Variants in PUS7L observed in about 807,000 individuals in gnomAD.
The protein encoded by PUS7L is pseudouridylate synthase PUS7L.
Under a neutral mutation model 51.1 loss-of-function variants are expected in PUS7L, and 49 were observed. The observed-to-expected ratio is 0.96, with a 90% CI of 0.76 to 1.22. The LOEUF (loss-of-function observed/expected upper bound fraction) is 1.22, where lower values mean the gene tolerates loss of function less well. Ranked by LOEUF, PUS7L falls within the 50% of genes most tolerant of loss-of-function variation. The pLI, the probability that PUS7L is intolerant of heterozygous loss-of-function variation, is 0.00. For synonymous variants in PUS7L, 277 were observed against 276.2 expected (o/e 1.00, Z -0.03); for missense variants, 828 against 820.6 (o/e 1.01, Z -0.11).
intron 1 of PUS7L, 191 bp downstream of exon 1, chr12:43,758,539 C>T: frequency 1.0e-6 from 1 of 985,854 alleles, no homozygotes; most frequent in Non-Finnish European, 1.2e-6. Flanking sequence ...ACAAGGCCAG[C>T]AGCTCTACCT....
rs1216172111 is a variant in PUS7L at position 43,728,561 on chromosome 12, A to G, written c.*1815T>C. On this transcript the variant is annotated 3_prime_UTR_variant, in exon 9 of 9. Transcript: ENST00000344862. ...ACTTCATTCTCAATATAACATTAAA[A>G]TGATGGCAGTAATCCAAAGAAAATC... The G allele has an allele frequency of 6.6e-6, 1 of 152,166 alleles. No individual in the cohort carries two copies. The highest frequency in any genetic ancestry group is 6.5e-5 in the Admixed American group (1 of 15,272). 9.4% of individuals were successfully genotyped at this position (152,166 alleles called of 1,614,324 possible). A position where few individuals can be genotyped will look rare whatever the true frequency, so the allele number is the denominator to read the frequency against.
chr12:43,736,755 C>T (rs1944703625), intron 6 of PUS7L, 94 bp from the exon 7 acceptor site: 1 of 1,110,224 alleles, frequency 9.0e-7, no homozygotes, highest in Admixed American at 2.1e-5. Flanking sequence ...AGGCAATGAA[C>T]ATGGGTATTA....
rs747434256 is a variant in PUS7L at position 43,731,736 on chromosome 12, T to C, written c.1748A>G (p.Glu583Gly). 6.3e-7 allele frequency: 1 copy of C among 1,579,182 alleles called. No homozygotes were observed. ...NSKIHLVTEE[E>G]GSANMYAIHQ... ...TATTGCATACATATTAGCTGATCCC[T>C]CCTCTTCAGTTACCAGGTGAATCTA... Residue 583 changes from glutamate to glycine, a missense_variant, in exon 8 of 9, where the codon GAG becomes GGG. Transcript: ENST00000344862.
At chr12:43,756,318 T>G (rs567388900) in intron 1 of PUS7L, among the ~76,000 whole-genome samples, 15 of 152,316 alleles carry the variant, frequency 9.8e-5, no homozygotes, top group East Asian at 1.9e-4. Flanking sequence ...TCAGGCTGCT[T>G]CTTCTTCAGT....
intron 4 of PUS7L, among the ~76,000 whole-genome samples, chr12:43,745,513 A>G (rs1037532450): frequency 6.6e-6 from 1 of 152,200 alleles, no homozygotes; most frequent in African/African-American, 2.4e-5. Flanking sequence ...CACCATGGGA[A>G]GAAGGATATG....
rs1221072792 is a variant in PUS7L at position 43,746,085 on chromosome 12, G to A, written c.1224C>T (p.Asn408=). 6.5e-7 allele frequency: 1 copy of A among 1,531,414 alleles called. No individual in the cohort carries two copies. Among genetic ancestry groups the A allele is most frequent in the African/African-American group, 1.4e-5 (1 of 72,488 alleles). 94.9% of individuals were successfully genotyped at this position (1,531,414 alleles called of 1,614,324 possible). The stretch of plus-strand genomic sequence containing the variant: ...TTGCTTCCATAATTCTCTCCCTCAG[G>A]TTTGCAGAATCATTTATTTGTTTTT... The part of the protein sequence containing the change: ...NLKKQINDSA[N]LRERIMEAIE... Residue 408 remains asparagine (N), a synonymous_variant, in exon 4 of 9, where the codon AAC becomes AAT. Coordinates refer to ENST00000344862, the MANE Select transcript of PUS7L (RefSeq NM_031292.5).
At chr12:43,747,470 G>T (rs1248025806) in intron 3 of PUS7L, among the ~76,000 whole-genome samples, 1 of 152,052 alleles carries the variant, frequency 6.6e-6, no homozygotes, top group Non-Finnish European at 1.5e-5. Context: ...GAGGCGGGTG[G>T]ATCATCTGAA....
intron 6 of PUS7L, among the ~76,000 whole-genome samples, chr12:43,736,880 C>G (rs915954454): frequency 1.4e-5 from 2 of 145,394 alleles, no homozygotes; most frequent in African/African-American, 5.1e-5. Context: ...AAAAAAAAAG[C>G]CAAGAATCCA....
chr12:43,742,403 G>A, intron 5 of PUS7L, 54 bp downstream of exon 5: 2 of 1,237,782 alleles, frequency 1.6e-6, no homozygotes, highest in Non-Finnish European at 2.3e-6. Context: ...GCTGGGTTAT[G>A]TAGTAAGTAT....
intron 4 of PUS7L, among the ~76,000 whole-genome samples, chr12:43,744,782 T>C (rs1338232433): frequency 6.6e-6 from 1 of 152,244 alleles, no homozygotes; most frequent in Non-Finnish European, 1.5e-5. Flanking sequence ...GGTGAGAAAC[T>C]TGAATCAGTG....
In PUS7L at chr12:43,730,464, G is replaced by A. The variant is rs558792147; in HGVS notation, c.2018C>T (p.Thr673Ile). ...VKTKGSHIDE[T>I]ALSLLISFDL... Reference sequence around the variant, plus strand: ...AAAAGAGATCAAAAGAGACAAAGCTGTTTCATCAATGTGGGAACCTTTCGT... The same window carrying A: ...AAAAGAGATCAAAAGAGACAAAGCTATTTCATCAATGTGGGAACCTTTCGT... The change falls in exon 9 of 9, where the codon ACA becomes ATA. Residue 673 changes from threonine (T) to isoleucine (I), a missense_variant. Thr to Ile is a moderately conservative substitution (Grantham distance 89). Coordinates refer to ENST00000344862, the MANE Select transcript of PUS7L (RefSeq NM_031292.5). The A allele has an allele frequency of 3.8e-5, 62 of 1,613,792 alleles. 1 individual carries two copies. In the South Asian group the frequency reaches 5.1e-4, roughly 13 times the overall value.
chr12:43,730,804 T>C (rs546742429), intron 8 of PUS7L, 102 bp from the exon 9 acceptor site: 6 of 720,926 alleles, frequency 8.3e-6, no homozygotes, highest in East Asian at 8.1e-5. Flanking sequence ...TTTGTAAAAA[T>C]AGTCTCAGAA....
In PUS7L at chr12:43,736,400, T is replaced by C; in HGVS notation, c.1706A>G (p.Glu569Gly). ...ACTTACTTTACTATTTGGGAAATTCTCGTCATCAATGTCTTCATCCAAACA... is the reference window on the plus strand; with the variant it reads ...ACTTACTTTACTATTTGGGAAATTCCCGTCATCAATGTCTTCATCCAAACA... ...LVCLDEDIDD[E>G]NFPNSKIHLV... The change falls in exon 7 of 9, where the codon GAG becomes GGG. Residue 569 changes from glutamate (E) to glycine (G), a missense_variant. Physicochemically the swap from Glu to Gly is moderately conservative, Grantham distance 98. Coordinates refer to ENST00000344862, the MANE Select transcript of PUS7L (RefSeq NM_031292.5). 1 of 1,613,850 alleles carries C rather than the reference T, an allele frequency of 6.2e-7. No homozygotes were observed. Among genetic ancestry groups the C allele is most frequent in the Non-Finnish European group, 8.5e-7 (1 of 1,179,734 alleles).
rs1565621124 is a variant in PUS7L, at chr12:43,719,793, C to T, written c.*10583G>A. 1 of 152,002 alleles carries T rather than the reference C, an allele frequency of 6.6e-6. No individual in the cohort carries two copies. Among genetic ancestry groups the T allele is most frequent in the Non-Finnish European group, 1.5e-5 (1 of 67,972 alleles). The allele number at this position is 152,002 out of a possible 1,614,324, so 9.4% of individuals were successfully genotyped here. ...ATTATCTTTTTAATTTTTACAGCAC[C>T]TATAGTGATTTCCTTTCCAATTATG... On this transcript the variant is annotated 3_prime_UTR_variant, in exon 9 of 9. Coordinates refer to ENST00000344862, the MANE Select transcript of PUS7L (RefSeq NM_031292.5).
chr12:43,749,468 G>A (rs1052029853), intron 2 of PUS7L, among the ~76,000 whole-genome samples: 1 of 152,138 alleles, frequency 6.6e-6, no homozygotes, highest in Non-Finnish European at 1.5e-5. Context: ...AGGATTTCAA[G>A]AGCAAACAAT....
Position 43,742,440 on chromosome 12 carries a change from T to C in PUS7L, c.1362+17A>G. On this transcript the variant is annotated intron_variant, in intron 5 of 8. Coordinates refer to ENST00000344862, the MANE Select transcript of PUS7L (RefSeq NM_031292.5). ...ATTGACAGAAACAGATAAGATTACA[T>C]TTTTCAAAATCCATACCATTTCATT... 6.4e-7 allele frequency: 1 copy of C among 1,561,154 alleles called. No homozygotes were observed.
At position 43,726,824 on chromosome 12, in the gene PUS7L, T is replaced by C. The variant is rs1445838396; in HGVS notation, c.*3552A>G. ...GCCTGGGTGACAGAAGGAAACTCCA[T>C]CTAAAAAAAAAAAAAAATTGACAAG... On this transcript the variant is annotated 3_prime_UTR_variant, in exon 9 of 9. Coordinates refer to ENST00000344862, the MANE Select transcript of PUS7L (RefSeq NM_031292.5). 2.0e-5 allele frequency: 3 copies of C among 146,872 alleles called. No homozygotes were observed. Among genetic ancestry groups the C allele is most frequent in the African/African-American group, 7.5e-5 (3 of 39,948 alleles). 9.1% of individuals were successfully genotyped at this position (146,872 alleles called of 1,614,324 possible). A position where few individuals can be genotyped will look rare whatever the true frequency, so the allele number is the denominator to read the frequency against.
rs377016203 is a variant in PUS7L, at chr12:43,748,446, T to C, written c.1070+4A>G. ...TATCCTAAAATTTCTTAATATCTTA[T>C]TACCTCTCTGGAGTCACTTTTCTAA... On this transcript the variant is annotated splice_donor_region_variant and intron_variant, in intron 3 of 8. Coordinates refer to ENST00000344862, the MANE Select transcript of PUS7L (RefSeq NM_031292.5). 1.3e-4 allele frequency: 210 copies of C among 1,574,470 alleles called. No homozygotes were observed. Among genetic ancestry groups the C allele is most frequent in the Non-Finnish European group, 1.4e-4 (165 of 1,168,012 alleles).
At chr12:43,746,351 A>C (rs770272044) in intron 3 of PUS7L, 113 bp from the exon 4 acceptor site, 6 of 523,380 alleles carry the variant, frequency 1.1e-5, no homozygotes, top group Non-Finnish European at 2.0e-5. Context: ...ATACTAATAC[A>C]ATTTTTTAAG....
Sources: allele counts gnomAD v4.1 joint callset (sites outside exome capture counted in the v4.1 genomes callset), GRCh38; gene constraint gnomAD v4.1.1; transcripts MANE v1.5; gene names NCBI Gene and HGNC (gene_info 2026-07-23, HGNC 2026-07-21).